The following UBE2U variants were observed in gnomAD, a reference collection of about 807,000 sequenced individuals.
UBE2U encodes the protein ubiquitin conjugating enzyme E2 U.
UBE2U carries 39 observed loss-of-function variants against 41.2 expected under a neutral mutation model. That is an observed-to-expected ratio of 0.95 (90% CI 0.73 to 1.24). UBE2U has a LOEUF of 1.24. UBE2U is among the 50% of genes most tolerant of loss of function. UBE2U has a pLI of 0.00. For missense variants in UBE2U, 336 were observed against 363.1 expected (o/e 0.93, Z 0.61); for synonymous variants, 107 against 117.8 (o/e 0.91, Z 0.60).
chr1:64,265,737 C>T (rs1001074716), intron 9 of UBE2U, among the ~76,000 whole-genome samples: 1 of 151,964 alleles, frequency 6.6e-6, no homozygotes, highest in African/African-American at 2.4e-5. Flanking sequence ...TGCCACCACA[C>T]CCGGCTAATT....
At position 64,220,864 on chromosome 1, in the gene UBE2U, G is replaced by A. The variant is rs777797576; in HGVS notation, c.463G>A (p.Asp155Asn). 6.2e-7 allele frequency: 1 copy of A among 1,606,430 alleles called. No homozygotes were observed. Among genetic ancestry groups the A allele is most frequent in the South Asian group, 1.1e-5 (1 of 89,054 alleles). The change falls in exon 6 of 10, where the codon GAT (aspartate) becomes AAT (asparagine). Residue 155 changes from aspartate (D) to asparagine (N), a missense_variant. Physicochemically the swap from Asp to Asn is conservative, Grantham distance 23 (BLOSUM62 1). Transcript: ENST00000371077. ...RLFNRPLQMK[D>N]DSQELPKDPR... ...TTCATATTTTTTCTTTATAGTGAAA[G>A]ATGACAGCCAGGAGTTACCTAAAGA...
At chr1:64,239,367 GT>G (rs934259716) in intron 7 of UBE2U, among the ~76,000 whole-genome samples, 2 of 151,662 alleles carry the variant, frequency 1.3e-5, no homozygotes, top group African/African-American at 2.4e-5. Context: ...ACATAGTAGG[GT>G]TTTTTTTAAT....
At chr1:64,265,778 A>G (rs996290427) in intron 9 of UBE2U, among the ~76,000 whole-genome samples, 1 of 152,112 alleles carries the variant, frequency 6.6e-6, no homozygotes, top group Non-Finnish European at 1.5e-5. Context: ...GGGTTTCACC[A>G]TGTTGGGCAG....
chr1:64,239,157 A>AGAAGAAGAAG (rs756975010), intron 7 of UBE2U, among the ~76,000 whole-genome samples: 2 of 37,070 alleles, frequency 5.4e-5, no homozygotes, highest in East Asian at 1.0e-3. Flanking sequence ...GAAGAAGAAG[A>AGAAGAAGAAG]AAGAAGAAGA....
At chr1:64,206,525 G>C (rs1305512795) in intron 2 of UBE2U, among the ~76,000 whole-genome samples, 1 of 151,368 alleles carries the variant, frequency 6.6e-6, no homozygotes, top group African/African-American at 2.4e-5. Context: ...TGGATGTTAG[G>C]GCGACAAAGG....
chr1:64,257,030 T>G (rs1285791006), intron 8 of UBE2U, among the ~76,000 whole-genome samples: 1 of 151,826 alleles, frequency 6.6e-6, no homozygotes, highest in African/African-American at 2.4e-5. Flanking sequence ...ATTAGAGAAA[T>G]GTAAATCAAA....
At chr1:64,256,529 T>C (rs1645094348) in intron 8 of UBE2U, among the ~76,000 whole-genome samples, 1 of 152,178 alleles carries the variant, frequency 6.6e-6, no homozygotes, top group African/African-American at 2.4e-5. Context: ...AAGAATTCCC[T>C]ATTTAATAAA....
At chr1:64,210,875 C>A in intron 4 of UBE2U, 36 bp downstream of exon 4, 1 of 1,405,642 alleles carries the variant, frequency 7.1e-7, no homozygotes, top group Non-Finnish European at 9.8e-7. Flanking sequence ...CTCTTTAATA[C>A]TTTTAATTAC....
chr1:64,262,389 G>A (rs697435), intron 9 of UBE2U, among the ~76,000 whole-genome samples: 1,825 of 152,302 alleles, frequency 0.012, 28 homozygotes, highest in African/African-American at 0.042. Context: ...TGAATCCTCT[G>A]CTTAAGGTCT....
In UBE2U at chr1:64,265,729, C is replaced by A. The variant is rs113474829; in HGVS notation, c.770-1295C>A. Among the ~76,000 whole-genome samples, 226 of 152,262 alleles carry A rather than the reference C, an allele frequency of 1.5e-3. 1 individual carries two copies. The highest frequency in any genetic ancestry group is 5.2e-3 in the African/African-American group (217 of 41,566). ...GAGCAGCTGAGATTACAGGCTCCTG[C>A]CACCACACCCGGCTAATTTTTGTAT... On this transcript the variant is annotated intron_variant, in intron 9 of 9. Transcript: ENST00000371077.
At chr1:64,241,835 A>G (rs1391757485) in intron 8 of UBE2U, 102 bp downstream of exon 8, 1 of 779,246 alleles carries the variant, frequency 1.3e-6, no homozygotes, top group Non-Finnish European at 2.1e-6. Flanking sequence ...ACCCTTGGAA[A>G]TAACAACTTA....
intron 6 of UBE2U, among the ~76,000 whole-genome samples, chr1:64,222,387 C>T (rs1652553659): frequency 6.6e-6 from 1 of 152,116 alleles, no homozygotes; most frequent in Non-Finnish European, 1.5e-5. Context: ...AGATACAGTG[C>T]CCGTGTTTAC....
At chr1:64,226,999 A>G (rs922156179) in intron 6 of UBE2U, among the ~76,000 whole-genome samples, 6 of 152,202 alleles carry the variant, frequency 3.9e-5, no homozygotes, top group African/African-American at 1.4e-4. Context: ...TGTTTAACAC[A>G]TTTACTAGCC....
At chr1:64,206,416 C>T (rs958771483) in intron 2 of UBE2U, among the ~76,000 whole-genome samples, 6 of 151,500 alleles carry the variant, frequency 4.0e-5, no homozygotes, top group African/African-American at 9.7e-5. Flanking sequence ...TAAGGAAATT[C>T]GGGCAGAGTA....
chr1:64,238,117 A>C (rs1644703689), intron 7 of UBE2U, among the ~76,000 whole-genome samples: 1 of 152,206 alleles, frequency 6.6e-6, no homozygotes, highest in Admixed American at 6.5e-5. Context: ...TATAATAAAA[A>C]TTCTGGCTGG....
intron 8 of UBE2U, among the ~76,000 whole-genome samples, chr1:64,242,181 T>A (rs1644846397): frequency 6.6e-6 from 1 of 152,176 alleles, no homozygotes; most frequent in South Asian, 2.1e-4. Context: ...ATATTAAATC[T>A]AATGAAGAAG....
intron 8 of UBE2U, among the ~76,000 whole-genome samples, chr1:64,250,314 T>G (rs888813377): frequency 1.3e-5 from 2 of 152,194 alleles, no homozygotes; most frequent in African/African-American, 4.8e-5. Context: ...AGTAATCCTG[T>G]ATCTAATAAA....
chr1:64,210,276 G>C (rs1651585842), intron 3 of UBE2U, among the ~76,000 whole-genome samples: 1 of 152,146 alleles, frequency 6.6e-6, no homozygotes, highest in Non-Finnish European at 1.5e-5. Flanking sequence ...CATATGCCAA[G>C]CTCCTGTACA....
At chr1:64,264,997 A>G (rs1001624018) in intron 9 of UBE2U, among the ~76,000 whole-genome samples, 4 of 152,160 alleles carry the variant, frequency 2.6e-5, no homozygotes, top group Non-Finnish European at 4.4e-5. Flanking sequence ...GGCATGTGAC[A>G]GGATCCTGCT....
Sources: allele counts gnomAD v4.1 joint callset (sites outside exome capture counted in the v4.1 genomes callset), GRCh38; gene constraint gnomAD v4.1.1; transcripts MANE v1.5; gene names NCBI Gene and HGNC (gene_info 2026-07-23, HGNC 2026-07-21).